The following PLCB1 variants were observed in gnomAD, a reference collection of about 807,000 sequenced individuals.
The protein encoded by PLCB1 is 1-phosphatidylinositol 4,5-bisphosphate phosphodiesterase beta-1.
In PLCB1, 46 loss-of-function variants were observed where a neutral mutation model predicts 161.8. That is an observed-to-expected ratio of 0.28 (90% CI 0.22 to 0.36). The LOEUF is 0.36. Among genes scored for constraint, PLCB1 ranks in the 10% least tolerant of loss-of-function variants. The pLI is 1.00. For missense variants in PLCB1, 1,016 were observed against 1,472.5 expected (o/e 0.69, Z 5.07); for synonymous variants, 517 against 503.7 (o/e 1.03, Z -0.35).
At chr20:8,635,499 A>C (rs1988735539) in intron 4 of PLCB1, among the ~76,000 whole-genome samples, 1 of 152,116 alleles carries the variant, frequency 6.6e-6, no homozygotes, top group Non-Finnish European at 1.5e-5. Flanking sequence ...GCTTGCCAGG[A>C]TTCTCAGTAG....
chr20:8,317,201 G>T (rs2122145255), intron 2 of PLCB1, among the ~76,000 whole-genome samples: 1 of 152,252 alleles, frequency 6.6e-6, no homozygotes, highest in Non-Finnish European at 1.5e-5. Context: ...CTAAGGTTTT[G>T]TGGATAATAG....
At chr20:8,523,496 C>CTCTCTCTCTCTCTCTCTCTA in intron 3 of PLCB1, among the ~76,000 whole-genome samples, 48 of 51,650 alleles carry the variant, frequency 9.3e-4, no homozygotes, top group South Asian at 2.0e-3. Flanking sequence ...CTCTCTCTCT[C>CTCTCTCTCTCTCTCTCTCTA]TATATATATA....
Position 8,718,134 on chromosome 20 carries a change from C to T in PLCB1, c.1513+286C>T, listed in dbSNP as rs560355522. 9.9e-5 allele frequency among the ~76,000 whole-genome samples: 15 copies of T among 152,158 alleles called. No homozygotes were observed. In the South Asian group the frequency reaches 1.2e-3, roughly 13 times the overall value. ...ACTCGGGAGGCTGAGGCAGGAGAAT[C>T]GCTTGAACCTAGGAGGCAGATGTTG... On this transcript the variant is annotated intron_variant, in intron 14 of 31. Coordinates refer to ENST00000338037, the MANE Select transcript of PLCB1 (RefSeq NM_015192.4).
At chr20:8,736,907 A>G in intron 19 of PLCB1, 121 bp from the exon 20 acceptor site, 1 of 712,626 alleles carries the variant, frequency 1.4e-6, no homozygotes. Flanking sequence ...CTTCTATTCC[A>G]TTTTGCTTAT....
chr20:8,342,279 A>G (rs950038640), intron 2 of PLCB1, among the ~76,000 whole-genome samples: 3 of 152,224 alleles, frequency 2.0e-5, no homozygotes, highest in Non-Finnish European at 2.9e-5. Context: ...AAGACTATAA[A>G]TTTCTAAAAC....
At chr20:8,138,743 T>A (rs1370896773) in intron 1 of PLCB1, among the ~76,000 whole-genome samples, 1 of 152,220 alleles carries the variant, frequency 6.6e-6, no homozygotes, top group Non-Finnish European at 1.5e-5. Context: ...ATAAAGGAAC[T>A]AACTAATTGG....
chr20:8,766,059 C>G (rs1982299623), intron 26 of PLCB1, among the ~76,000 whole-genome samples: 1 of 152,168 alleles, frequency 6.6e-6, no homozygotes, highest in African/African-American at 2.4e-5. Flanking sequence ...ACAGGTGACT[C>G]TAATTTGGGC....
chr20:8,516,367 G>C (rs980413987), intron 3 of PLCB1, among the ~76,000 whole-genome samples: 2 of 152,078 alleles, frequency 1.3e-5, no homozygotes, highest in Non-Finnish European at 2.9e-5. Flanking sequence ...AGCTCAACTT[G>C]TGTTAATTTT....
At chr20:8,513,997 GC>G (rs1167877227) in intron 3 of PLCB1, among the ~76,000 whole-genome samples, 4 of 151,978 alleles carry the variant, frequency 2.6e-5, no homozygotes, top group African/African-American at 9.7e-5. Flanking sequence ...CCCCATTCCA[GC>G]CTGGACAACA....
chr20:8,826,991 G>A (rs779046625), intron 31 of PLCB1, among the ~76,000 whole-genome samples: 10 of 152,092 alleles, frequency 6.6e-5, no homozygotes, highest in Non-Finnish European at 5.9e-5. Context: ...ATCACTTTGC[G>A]TATTTCAGAT....
At chr20:8,272,486 G>C (rs779685564) in intron 2 of PLCB1, among the ~76,000 whole-genome samples, 1 of 152,106 alleles carries the variant, frequency 6.6e-6, no homozygotes, top group Non-Finnish European at 1.5e-5. Flanking sequence ...CTTTATGGTT[G>C]TCTCTGTTTC....
chr20:8,551,027 G>A (rs926123370), intron 3 of PLCB1, among the ~76,000 whole-genome samples: 6 of 152,168 alleles, frequency 3.9e-5, no homozygotes, highest in Admixed American at 3.9e-4. Flanking sequence ...CTTTTTTGTT[G>A]TCGTTCTCAC....
intron 23 of PLCB1, among the ~76,000 whole-genome samples, chr20:8,745,241 G>A (rs6039248): frequency 0.23 from 34,738 of 152,048 alleles, 3,973 homozygotes; most frequent in Middle Eastern, 0.35. Flanking sequence ...GCATCAGTGT[G>A]TCTTTTTTCT....
chr20:8,189,814 T>G (rs1427007689), intron 2 of PLCB1, among the ~76,000 whole-genome samples: 1 of 152,072 alleles, frequency 6.6e-6, no homozygotes, highest in Admixed American at 6.6e-5. Flanking sequence ...CAACTTTCCA[T>G]GTATGATATT....
chr20:8,313,527 G>C (rs1600306515), intron 2 of PLCB1, among the ~76,000 whole-genome samples: 1 of 152,010 alleles, frequency 6.6e-6, no homozygotes. Context: ...ACTGTAGGAG[G>C]TCAATACAAG....
intron 31 of PLCB1, among the ~76,000 whole-genome samples, chr20:8,867,841 G>A (rs1393749466): frequency 6.6e-6 from 1 of 152,068 alleles, no homozygotes; most frequent in African/African-American, 2.4e-5. Flanking sequence ...GTTGCTTCTT[G>A]AGCCCCATAG....
intron 31 of PLCB1, among the ~76,000 whole-genome samples, chr20:8,862,778 A>G (rs1353477848): frequency 6.6e-6 from 1 of 152,202 alleles, no homozygotes; most frequent in East Asian, 1.9e-4. Context: ...GCCAGCCAAT[A>G]AATTCAAACT....
intron 3 of PLCB1, among the ~76,000 whole-genome samples, chr20:8,453,063 C>A (rs995916891): frequency 1.3e-5 from 2 of 152,208 alleles, no homozygotes; most frequent in Non-Finnish European, 1.5e-5. Flanking sequence ...GGTTTCTTCT[C>A]CTTATCTACT....
chr20:8,300,826 C>A (rs1983876084), intron 2 of PLCB1, among the ~76,000 whole-genome samples: 1 of 152,082 alleles, frequency 6.6e-6, no homozygotes, highest in African/African-American at 2.4e-5. Flanking sequence ...AATGGATTGG[C>A]AGTGGAATTC....
Sources: allele counts gnomAD v4.1 joint callset (sites outside exome capture counted in the v4.1 genomes callset), GRCh38; gene constraint gnomAD v4.1.1; transcripts MANE v1.5; gene names NCBI Gene and HGNC (gene_info 2026-07-23, HGNC 2026-07-21).